Variants in CCSER1 observed in about 807,000 individuals in gnomAD.
The protein encoded by CCSER1 is serine-rich coiled-coil domain-containing protein 1.
In CCSER1, 41 loss-of-function variants were observed where a neutral mutation model predicts 82.0. The ratio of observed to expected loss-of-function variants is 0.50; its 90% CI spans 0.39 to 0.65. The LOEUF is 0.65. Ranked by LOEUF, CCSER1 falls within the 30% of genes least tolerant of loss-of-function variation. The pLI, the probability that CCSER1 is intolerant of heterozygous loss-of-function variation, is 0.00. For synonymous variants in CCSER1, 414 were observed against 383.9 expected, an observed-to-expected ratio of 1.08 and a Z score of -0.92; for missense variants, 1,119 against 1,064.2, an observed-to-expected ratio of 1.05 and a Z score of -0.72.
intron 8 of CCSER1, among the ~76,000 whole-genome samples, chr4:90,818,478 A>G (rs1267398478): frequency 6.6e-6 from 1 of 152,058 alleles, no homozygotes; most frequent in Admixed American, 6.6e-5. Flanking sequence ...AGGTTTCGCC[A>G]TGTTGGCTAG....
intron 3 of CCSER1, among the ~76,000 whole-genome samples, chr4:90,352,819 A>T (rs1365016943): frequency 1.3e-5 from 2 of 152,214 alleles, no homozygotes; most frequent in Non-Finnish European, 2.9e-5. Context: ...AATGTTGTTA[A>T]GGCACTTAGT....
chr4:90,391,834 G>A (rs1339631346), intron 3 of CCSER1, among the ~76,000 whole-genome samples: 1 of 151,778 alleles, frequency 6.6e-6, no homozygotes, highest in Admixed American at 6.6e-5. Flanking sequence ...TTTTATATGT[G>A]AAAGTTTTAA....
chr4:90,623,536 A>T (rs1722745217), intron 5 of CCSER1, among the ~76,000 whole-genome samples: 1 of 152,196 alleles, frequency 6.6e-6, no homozygotes, highest in South Asian at 2.1e-4. Context: ...CTATGTTAAG[A>T]TATTTGAATT....
At chr4:91,436,295 T>A (rs1338565008) in intron 10 of CCSER1, among the ~76,000 whole-genome samples, 1 of 152,142 alleles carries the variant, frequency 6.6e-6, no homozygotes, top group Admixed American at 6.6e-5. Flanking sequence ...GTAATATATA[T>A]AAATCACACA....
At chr4:91,392,217 T>C (rs890677577) in intron 10 of CCSER1, among the ~76,000 whole-genome samples, 2 of 152,024 alleles carry the variant, frequency 1.3e-5, no homozygotes, top group African/African-American at 4.8e-5. Flanking sequence ...AAAATATAAA[T>C]TTAGAACTGA....
At chr4:90,852,423 G>C (rs1472983421) in intron 8 of CCSER1, among the ~76,000 whole-genome samples, 1 of 152,198 alleles carries the variant, frequency 6.6e-6, no homozygotes, top group Non-Finnish European at 1.5e-5. Context: ...AGATTCCTAG[G>C]GGAAGCTTCT....
chr4:91,355,318 C>G (rs1159687459), intron 10 of CCSER1, among the ~76,000 whole-genome samples: 1 of 151,886 alleles, frequency 6.6e-6, no homozygotes, highest in Non-Finnish European at 1.5e-5. Flanking sequence ...TTTGGGGGCC[C>G]CTCTTTCTTC....
chr4:91,599,372 T>C lies in CCSER1; in HGVS notation c.*315T>C, dbSNP rs961376614. 2 of 197,814 alleles carry C rather than the reference T, an allele frequency of 1.0e-5. No individual in the cohort carries two copies. Among genetic ancestry groups the C allele is most frequent in the South Asian group, 1.6e-4 (1 of 6,420 alleles). The allele number at this position is 197,814 out of a possible 1,614,324, so 12.3% of individuals were successfully genotyped here. A position where few individuals can be genotyped will look rare whatever the true frequency, so the allele number is the denominator to read the frequency against. ...ATTTTTTATCTCTATCACTTACTGATATGCATTAAGGTTTCAGAAGATAAT... is the reference window on the plus strand; with the variant it reads ...ATTTTTTATCTCTATCACTTACTGACATGCATTAAGGTTTCAGAAGATAAT... On this transcript the variant is annotated 3_prime_UTR_variant, in exon 11 of 11. Transcript: ENST00000509176.
intron 8 of CCSER1, among the ~76,000 whole-genome samples, chr4:90,906,148 G>C (rs72881393): frequency 6.6e-6 from 1 of 152,050 alleles, no homozygotes; most frequent in Non-Finnish European, 1.5e-5. Context: ...CTCTAGTCAC[G>C]TGTAATCTCT....
intron 1 of CCSER1, among the ~76,000 whole-genome samples, chr4:90,276,242 C>CTTTCTTTCT (rs1727629094): frequency 2.7e-5 from 3 of 112,892 alleles, no homozygotes; most frequent in African/African-American, 1.1e-4. Context: ...TTCTTTCTTT[C>CTTTCTTTCT]TTTCTTTCTT....
At chr4:90,156,927 T>C (rs1728331185) in intron 1 of CCSER1, among the ~76,000 whole-genome samples, 2 of 152,214 alleles carry the variant, frequency 1.3e-5, no homozygotes, top group South Asian at 4.1e-4. Flanking sequence ...TGATGTTAGC[T>C]GGTTATTTTG....
chr4:90,218,932 G>A (rs1044483394), intron 1 of CCSER1, among the ~76,000 whole-genome samples: 1 of 152,082 alleles, frequency 6.6e-6, no homozygotes, highest in African/African-American at 2.4e-5. Context: ...CAATGAAGGG[G>A]GTTATACTAT....
intron 1 of CCSER1, among the ~76,000 whole-genome samples, chr4:90,141,825 G>A (rs190425058): frequency 1.3e-5 from 2 of 152,316 alleles, no homozygotes; most frequent in Non-Finnish European, 2.9e-5. Context: ...GATATGTTGT[G>A]TGTAAAATAG....
intron 10 of CCSER1, among the ~76,000 whole-genome samples, chr4:91,467,439 G>C (rs1324595242): frequency 6.6e-6 from 1 of 152,122 alleles, no homozygotes; most frequent in Non-Finnish European, 1.5e-5. Context: ...CCATAGGCAT[G>C]GGCAAGAACT....
intron 10 of CCSER1, among the ~76,000 whole-genome samples, chr4:91,117,212 A>G (rs1043683223): frequency 3.9e-5 from 6 of 152,340 alleles, no homozygotes; most frequent in South Asian, 4.1e-4. Context: ...TTCCATGTAA[A>G]TGAGCCTTGA....
At chr4:91,418,210 C>G (rs1019995249) in intron 10 of CCSER1, among the ~76,000 whole-genome samples, 7 of 146,222 alleles carry the variant, frequency 4.8e-5, no homozygotes, top group Admixed American at 3.5e-4. Flanking sequence ...AAGTTAGCAT[C>G]AGGAAAGAAA....
Position 91,563,113 on chromosome 4 carries a change from C to A in CCSER1, c.2218-35459C>A, listed in dbSNP as rs184098475. Among the ~76,000 whole-genome samples the A allele has an allele frequency of 3.1e-3, 468 of 151,696 alleles. 2 individuals are homozygous for A. The highest frequency in any genetic ancestry group is 4.6e-3 in the Non-Finnish European group (313 of 67,736). On this transcript the variant is annotated intron_variant, in intron 10 of 10. Coordinates refer to ENST00000509176, the MANE Select transcript of CCSER1 (RefSeq NM_001145065.2). ...TTTAAGTTCTACCAAACATTTATGC[C>A]AGTCCTTCTCAAATGGTTCCAAAAT...
At chr4:91,435,972 G>C (rs532320819) in intron 10 of CCSER1, among the ~76,000 whole-genome samples, 1 of 152,286 alleles carries the variant, frequency 6.6e-6, no homozygotes, top group African/African-American at 2.4e-5. Context: ...AAGCTCCTTG[G>C]ATTAGCTGTA....
At position 90,967,041 on chromosome 4, in the gene CCSER1, T is replaced by G. The variant is rs190174116; in HGVS notation, c.2172+43594T>G. The stretch of plus-strand genomic sequence containing the variant: ...TAATCAAGGGAGTGTGGTACTGGCA[T>G]AAGGTCAGAGAGATTGATAAATTAA... On this transcript the variant is annotated intron_variant, in intron 9 of 10. Transcript: ENST00000509176. Among the ~76,000 whole-genome samples the G allele has an allele frequency of 5.9e-5, 9 of 152,216 alleles. No individual in the cohort carries two copies. In the East Asian group the frequency reaches 1.2e-3, roughly 20 times the overall value.
Sources: allele counts gnomAD v4.1 joint callset (sites outside exome capture counted in the v4.1 genomes callset), GRCh38; gene constraint gnomAD v4.1.1; transcripts MANE v1.5; gene names NCBI Gene and HGNC (gene_info 2026-07-23, HGNC 2026-07-21).